The following CREBBP variants were observed in gnomAD, a reference collection of about 807,000 sequenced individuals.
CREBBP encodes the protein CREB-binding protein.
CREBBP carries 19 observed loss-of-function variants against 265.0 expected under a neutral mutation model. The ratio of observed to expected loss-of-function variants is 0.07; its 90% CI spans 0.05 to 0.11. The LOEUF is 0.11. CREBBP is among the 10% of genes least tolerant of loss of function. CREBBP has a pLI of 1.00. For missense variants in CREBBP, 2,525 were observed against 3,219.0 expected, an observed-to-expected ratio of 0.78 and a Z score of 5.22; for synonymous variants, 1,457 against 1,223.7, an observed-to-expected ratio of 1.19 and a Z score of -3.98.
chr16:3,745,003 G>T (rs773031222), intron 22 of CREBBP, 42 bp from the exon 23 acceptor site: 10 of 1,431,104 alleles, frequency 7.0e-6, no homozygotes, highest in Middle Eastern at 1.7e-4. Context: ...ATATAATGAT[G>T]TAAATTGTCA....
chr16:3,775,660 G>C lies in CREBBP; in HGVS notation c.2159-967C>G, dbSNP rs140272140. On this transcript the variant is annotated intron_variant, in intron 11 of 30. Coordinates refer to ENST00000262367, the MANE Select transcript of CREBBP (RefSeq NM_004380.3). Reference sequence around the variant, plus strand: ...TAATGTAAGCTTCCCCACTCCTTGAGAATTTTTTTAAACAAAATGAAAAAC... The same window carrying C: ...TAATGTAAGCTTCCCCACTCCTTGACAATTTTTTTAAACAAAATGAAAAAC... Among the ~76,000 whole-genome samples, 575 of 152,274 alleles carry C rather than the reference G, an allele frequency of 3.8e-3. 3 individuals carry two copies. The highest frequency in any genetic ancestry group is 0.013 in the African/African-American group (557 of 41,548).
intron 2 of CREBBP, among the ~76,000 whole-genome samples, chr16:3,849,430 T>TGTGTGTGTGTGTGTGTGTGTG (rs2054752627): frequency 4.7e-4 from 4 of 8,576 alleles, no homozygotes; most frequent in South Asian, 9.1e-3. Flanking sequence ...TGTGTGTGTG[T>TGTGTGTGTGTGTGTGTGTGTG]GTGTGTGTGT....
chr16:3,773,374 T>G (rs1286749350), intron 13 of CREBBP, among the ~76,000 whole-genome samples: 2 of 151,828 alleles, frequency 1.3e-5, no homozygotes, highest in Non-Finnish European at 2.9e-5. Flanking sequence ...TCATCAAGAG[T>G]GAATTCATGG....
chr16:3,759,942 G>A (rs2052674109), intron 16 of CREBBP, among the ~76,000 whole-genome samples: 1 of 152,088 alleles, frequency 6.6e-6, no homozygotes. Context: ...GTTCGGTGTG[G>A]GAGGCCGGCC....
At chr16:3,802,080 A>T (rs1180699770) in intron 3 of CREBBP, among the ~76,000 whole-genome samples, 2 of 148,904 alleles carry the variant, frequency 1.3e-5, no homozygotes, top group African/African-American at 5.0e-5. Flanking sequence ...TACCTTTAAA[A>T]GCAAACTCTT....
chr16:3,770,945 C>A lies in CREBBP; in HGVS notation c.2505G>T (p.Met835Ile), dbSNP rs759041100. 7.4e-6 allele frequency: 12 copies of A among 1,613,464 alleles called. No homozygotes were observed. Among genetic ancestry groups the A allele is most frequent in the Non-Finnish European group, 9.3e-6 (11 of 1,180,018 alleles). Reference sequence around the variant, plus strand: ...GTAGCTGGCTGGCCTGAGGCCCCAGCATGTTGAGAGGGTTAGGAAGAGCAG... The same window carrying A: ...GTAGCTGGCTGGCCTGAGGCCCCAGAATGTTGAGAGGGTTAGGAAGAGCAG... Reference protein sequence around the residue: ...PGAALPNPLNMLGPQASQLPC... With the variant: ...PGAALPNPLNILGPQASQLPC... Residue 835 changes from methionine to isoleucine, a missense_variant, in exon 14 of 31, where the codon ATG becomes ATT. Around this residue, in one of 19 missense-constraint regions of CREBBP, gnomAD observed 548 missense variants for 533.0 expected, o/e 1.03. Transcript: ENST00000262367.
chr16:3,875,866 T>C (rs567928139), intron 1 of CREBBP, among the ~76,000 whole-genome samples: 15 of 152,276 alleles, frequency 9.9e-5, no homozygotes, highest in Admixed American at 7.2e-4. Flanking sequence ...GTACCAGACA[T>C]ACATAACAGA....
chr16:3,808,730 T>G (rs1158058180), intron 3 of CREBBP, among the ~76,000 whole-genome samples: 3 of 152,342 alleles, frequency 2.0e-5, no homozygotes, highest in East Asian at 3.9e-4. Flanking sequence ...GAGCAAAATG[T>G]TAGGTCAGGG....
rs2141216610 is a variant in CREBBP, at chr16:3,773,888, T to C, written c.2326A>G (p.Met776Val). Reference protein sequence around the residue: ...PSRMPQPPNMMGAHTNNMMAQ... With the variant: ...PSRMPQPPNMVGAHTNNMMAQ... ...ATCATGTTGTTGGTGTGTGCACCCATCATGTTCGGAGGCTGAGGCATTCGG... is the reference window on the plus strand; with the variant it reads ...ATCATGTTGTTGGTGTGTGCACCCACCATGTTCGGAGGCTGAGGCATTCGG... The change falls in exon 13 of 31, where the codon ATG (methionine) becomes GTG (valine). Residue 776 changes from methionine (M) to valine (V), a missense_variant. Met to Val is a conservative substitution (Grantham distance 21). This residue lies in a region of CREBBP where 548 missense variants were observed against 533.0 expected (regional missense o/e 1.03). Coordinates refer to ENST00000262367, the MANE Select transcript of CREBBP (RefSeq NM_004380.3). The C allele has an allele frequency of 6.2e-7, 1 of 1,612,222 alleles. No homozygotes were observed.
intron 2 of CREBBP, among the ~76,000 whole-genome samples, chr16:3,838,472 C>A (rs550955854): frequency 4.6e-5 from 7 of 152,222 alleles, no homozygotes; most frequent in African/African-American, 1.7e-4. Flanking sequence ...AAATGAAAAT[C>A]TTCATTGTTG....
chr16:3,818,708 C>T (rs2054086622), intron 2 of CREBBP, among the ~76,000 whole-genome samples: 1 of 152,184 alleles, frequency 6.6e-6, no homozygotes, highest in Non-Finnish European at 1.5e-5. Context: ...CAAGACACGC[C>T]TCAAGCCACA....
At chr16:3,774,866 T>G in intron 11 of CREBBP, 173 bp from the exon 12 acceptor site, 1 of 882,702 alleles carries the variant, frequency 1.1e-6, no homozygotes, top group Non-Finnish European at 1.8e-6. Context: ...CTTCTCCATA[T>G]CCAGAGAAAA....
chr16:3,849,702 C>G (rs1260627076), intron 2 of CREBBP, among the ~76,000 whole-genome samples: 3 of 151,536 alleles, frequency 2.0e-5, no homozygotes, highest in South Asian at 4.2e-4. Context: ...GCCCAGGCCC[C>G]ACGCCGAGCT....
intron 3 of CREBBP, among the ~76,000 whole-genome samples, chr16:3,807,988 C>T (rs1219470379): frequency 6.6e-6 from 1 of 152,124 alleles, no homozygotes; most frequent in African/African-American, 2.4e-5. Context: ...TCAAAGTCCA[C>T]AGGGGTTCTT....
At chr16:3,738,429 A>G (rs1166707628) in intron 26 of CREBBP, 130 bp downstream of exon 26, 1 of 695,334 alleles carries the variant, frequency 1.4e-6, no homozygotes, top group African/African-American at 1.8e-5. Context: ...AGCTTTGGAG[A>G]TTCTGAATTG....
intron 2 of CREBBP, among the ~76,000 whole-genome samples, chr16:3,824,747 C>G (rs994015524): frequency 2.6e-5 from 4 of 152,160 alleles, no homozygotes; most frequent in African/African-American, 9.7e-5. Flanking sequence ...CCAAGCAGGC[C>G]GGTGCTTCCC....
At chr16:3,836,450 GA>G (rs1214023803) in intron 2 of CREBBP, among the ~76,000 whole-genome samples, 5 of 144,016 alleles carry the variant, frequency 3.5e-5, no homozygotes, top group South Asian at 2.2e-4. Context: ...AAAAAAAAAA[GA>G]AAAAAAAGAA....
intron 1 of CREBBP, among the ~76,000 whole-genome samples, chr16:3,866,136 TAGAAA>T (rs1327285298): frequency 6.6e-6 from 1 of 152,226 alleles, no homozygotes; most frequent in Non-Finnish European, 1.5e-5. Flanking sequence ...CTTAAAAGGC[TAGAAA>T]AGAAAAGGGC....
chr16:3,856,372 AGTGAAGTT>A (rs1286446181), intron 1 of CREBBP, among the ~76,000 whole-genome samples: 3 of 152,236 alleles, frequency 2.0e-5, no homozygotes, highest in Non-Finnish European at 4.4e-5. Flanking sequence ...GCTGGAGTGC[AGTGAAGTT>A]GCAGGCTCAA....
Sources: allele counts gnomAD v4.1 joint callset (sites outside exome capture counted in the v4.1 genomes callset), GRCh38; gene constraint gnomAD v4.1.1; regional missense constraint gnomAD v4.1.1; transcripts MANE v1.5; gene names NCBI Gene and HGNC (gene_info 2026-07-23, HGNC 2026-07-21).